Variants in USH2A observed in about 807,000 individuals in gnomAD.
USH2A encodes the protein Usher syndrome 2A (autosomal recessive, mild).
Under a neutral mutation model 538.9 loss-of-function variants are expected in USH2A, and 443 were observed. The ratio of observed to expected loss-of-function variants is 0.82; its 90% CI spans 0.76 to 0.89. USH2A has a LOEUF of 0.89. USH2A is among the 40% of genes least tolerant of loss of function. The pLI is 0.00. For missense variants in USH2A, 6,633 were observed against 6,324.8 expected, an observed-to-expected ratio of 1.05 and a Z score of -1.65; for synonymous variants, 2,413 against 2,273.5, an observed-to-expected ratio of 1.06 and a Z score of -1.75.
chr1:215,806,361 T>C (rs1571705452), intron 49 of USH2A, among the ~76,000 whole-genome samples: 1 of 151,848 alleles, frequency 6.6e-6, no homozygotes, highest in East Asian at 1.9e-4. Flanking sequence ...GAAAGTCTCT[T>C]TCTGTAACTC....
At chr1:215,750,149 T>C (rs575121032) in intron 58 of USH2A, among the ~76,000 whole-genome samples, 1 of 152,312 alleles carries the variant, frequency 6.6e-6, no homozygotes, top group Non-Finnish European at 1.5e-5. Flanking sequence ...AAACACTTGG[T>C]TGCACTTAAC....
At chr1:215,915,510 C>T (rs866770884) in intron 38 of USH2A, among the ~76,000 whole-genome samples, 23 of 152,118 alleles carry the variant, frequency 1.5e-4, no homozygotes, top group Admixed American at 1.1e-3. Flanking sequence ...GTTACTCTCT[C>T]TTTCTCTCTG....
At chr1:216,316,215 G>A (rs2037505878) in intron 9 of USH2A, among the ~76,000 whole-genome samples, 1 of 152,066 alleles carries the variant, frequency 6.6e-6, no homozygotes, top group South Asian at 2.1e-4. Context: ...AGTAAGCATG[G>A]CTTTAATTTC....
intron 19 of USH2A, among the ~76,000 whole-genome samples, chr1:216,194,998 T>C (rs2034806926): frequency 6.6e-6 from 1 of 152,114 alleles, no homozygotes; most frequent in South Asian, 2.1e-4. Flanking sequence ...ACAGGGCAGA[T>C]AGACCCCAAG....
Position 215,650,636 on chromosome 1 carries a change from G to T in USH2A, c.14299C>A (p.Leu4767Ile). Residue 4767 changes from leucine (L) to isoleucine (I), a missense_variant, in exon 65 of 72, where the codon CTC (leucine) becomes ATC (isoleucine). Leu to Ile is a conservative substitution (Grantham distance 5, BLOSUM62 2). Coordinates refer to ENST00000307340, the MANE Select transcript of USH2A (RefSeq NM_206933.4). ...APGKPNGIVSLYRLFSSSAHG... is the reference protein window; with the variant it reads ...APGKPNGIVSIYRLFSSSAHG... Reference sequence around the variant, plus strand: ...GCGCTGCTGGAGAACAGCCTGTAGAGACTGACGATCCCGTTGGGCTTCCCA... The same window carrying T: ...GCGCTGCTGGAGAACAGCCTGTAGATACTGACGATCCCGTTGGGCTTCCCA... 1 of 1,614,162 alleles carries T rather than the reference G, an allele frequency of 6.2e-7. No individual in the cohort carries two copies. Among genetic ancestry groups the T allele is most frequent in the Non-Finnish European group, 8.5e-7 (1 of 1,180,040 alleles).
Position 215,845,071 on chromosome 1 carries a change from T to A in USH2A, c.9056-575A>T, listed in dbSNP as rs543747254. 8.8e-4 allele frequency among the ~76,000 whole-genome samples: 134 copies of A among 152,328 alleles called. 1 individual carries two copies. Among genetic ancestry groups the A allele is most frequent in the African/African-American group, 3.0e-3 (125 of 41,586 alleles). On this transcript the variant is annotated intron_variant, in intron 45 of 71. Transcript: ENST00000307340. ...AAATCTTGCTTAGCGTTAAATTGCA[T>A]AATTATTCAAGCATGTCAGAAATAA...
At chr1:216,402,845 A>G (rs2102762498) in intron 3 of USH2A, among the ~76,000 whole-genome samples, 1 of 152,256 alleles carries the variant, frequency 6.6e-6, no homozygotes, top group South Asian at 2.1e-4. Context: ...AACATAATAA[A>G]ATATGTCAGA....
chr1:215,930,715 T>C (rs1054557341), intron 38 of USH2A, among the ~76,000 whole-genome samples: 6 of 151,996 alleles, frequency 3.9e-5, no homozygotes, highest in Non-Finnish European at 7.4e-5. Flanking sequence ...CAACCACTTA[T>C]TAAACTGAAT....
At chr1:216,069,514 T>C (rs2031488094) in intron 30 of USH2A, among the ~76,000 whole-genome samples, 1 of 152,182 alleles carries the variant, frequency 6.6e-6, no homozygotes, top group Non-Finnish European at 1.5e-5. Context: ...TAATATTTCA[T>C]GAAGCTGAAA....
chr1:215,763,253 A>T (rs1284210785), intron 56 of USH2A, among the ~76,000 whole-genome samples: 1 of 152,214 alleles, frequency 6.6e-6, no homozygotes, highest in East Asian at 1.9e-4. Context: ...GTCGATAAAA[A>T]GTTGTACTCC....
At chr1:216,086,595 G>A (rs2032140737) in intron 24 of USH2A, 124 bp downstream of exon 24, 1 of 788,018 alleles carries the variant, frequency 1.3e-6, no homozygotes, top group Non-Finnish European at 2.1e-6. Flanking sequence ...GGAAATTTTT[G>A]GCACATTAAT....
intron 63 of USH2A, among the ~76,000 whole-genome samples, chr1:215,673,128 C>T (rs1657878523): frequency 6.6e-6 from 1 of 152,148 alleles, no homozygotes; most frequent in African/African-American, 2.4e-5. Flanking sequence ...GGATTAGCTG[C>T]AGAGGATACC....
At chr1:215,706,759 C>A (rs1228643499) in intron 61 of USH2A, among the ~76,000 whole-genome samples, 1 of 152,114 alleles carries the variant, frequency 6.6e-6, no homozygotes, top group Non-Finnish European at 1.5e-5. Context: ...AGTCAACCAG[C>A]TTAGTGCAAA....
chr1:216,124,113 G>C (rs1338887365), intron 21 of USH2A, among the ~76,000 whole-genome samples: 1 of 152,086 alleles, frequency 6.6e-6, no homozygotes, highest in African/African-American at 2.4e-5. Flanking sequence ...AATTTAAATA[G>C]AAACCTTTTG....
At chr1:216,274,412 T>C (rs1489692760) in intron 11 of USH2A, among the ~76,000 whole-genome samples, 2 of 152,140 alleles carry the variant, frequency 1.3e-5, no homozygotes, top group Non-Finnish European at 2.9e-5. Context: ...TCTATATTTA[T>C]ACAGTATATT....
At chr1:216,012,637 C>G (rs573700125) in intron 32 of USH2A, among the ~76,000 whole-genome samples, 70 of 152,172 alleles carry the variant, frequency 4.6e-4, no homozygotes, top group African/African-American at 1.6e-3. Flanking sequence ...ACCTTTATAT[C>G]CCTTACGGTC....
At chr1:216,274,021 A>G (rs1457997248) in intron 11 of USH2A, among the ~76,000 whole-genome samples, 1 of 152,050 alleles carries the variant, frequency 6.6e-6, no homozygotes, top group Non-Finnish European at 1.5e-5. Flanking sequence ...TAAAGTTAAA[A>G]CCTAGGAATC....
In USH2A at chr1:215,716,208, G is replaced by T. The variant is rs1659480597; in HGVS notation, c.12066+11822C>A. On this transcript the variant is annotated intron_variant, in intron 61 of 71. Coordinates refer to ENST00000307340, the MANE Select transcript of USH2A (RefSeq NM_206933.4). ...GGAAAGAGTGGAAGGGGGGCGGGGG[G>T]GCCCGCCAAGTAGAAAGCCGATTCT... Among the ~76,000 whole-genome samples the T allele has an allele frequency of 5.3e-5, 8 of 151,950 alleles. No individual in the cohort carries two copies. The South Asian group carries it at 1.7e-3, about 32-fold the overall frequency.
intron 3 of USH2A, among the ~76,000 whole-genome samples, chr1:216,389,074 G>A (rs1274281806): frequency 2.0e-5 from 3 of 152,184 alleles, no homozygotes; most frequent in Admixed American, 1.3e-4. Flanking sequence ...AAGAGCTAGT[G>A]TAAGTGAAAA....
Sources: allele counts gnomAD v4.1 joint callset (sites outside exome capture counted in the v4.1 genomes callset), GRCh38; gene constraint gnomAD v4.1.1; transcripts MANE v1.5; gene names NCBI Gene and HGNC (gene_info 2026-07-23, HGNC 2026-07-21).